Variants in METTL15 observed in about 807,000 individuals in gnomAD.
METTL15 encodes the protein methyltransferase 15, mitochondrial 12S rRNA N4-cytidine.
In METTL15, 34 loss-of-function variants were observed where a neutral mutation model predicts 38.3. That is an observed-to-expected ratio of 0.89 (90% confidence interval 0.68 to 1.18). The LOEUF (loss-of-function observed/expected upper bound fraction) is 1.18, where lower values mean the gene tolerates loss of function less well. Ranked by LOEUF, METTL15 falls within the 50% of genes most tolerant of loss-of-function variation. The probability of loss-of-function intolerance (pLI) is 0.00; values close to 1 mark genes in which losing one functional copy is unlikely to be tolerated. For synonymous variants in METTL15, 162 were observed against 170.9 expected, an observed-to-expected ratio of 0.95 and a Z score of 0.41; for missense variants, 438 against 498.4, an observed-to-expected ratio of 0.88 and a Z score of 1.15.
At chr11:28,351,268 T>G (rs1850039505) in intron 3 of METTL15, among the ~76,000 whole-genome samples, 1 of 152,064 alleles carries the variant, frequency 6.6e-6, no homozygotes, top group Non-Finnish European at 1.5e-5. Context: ...CGCGCCACCA[T>G]GCCCAGCTAA....
intron 3 of METTL15, among the ~76,000 whole-genome samples, chr11:28,130,260 G>A (rs574317221): frequency 2.6e-5 from 4 of 152,176 alleles, no homozygotes; most frequent in East Asian, 1.9e-4. Flanking sequence ...GCAGTAAGCC[G>A]TGATCACACC....
intron 4 of METTL15, among the ~76,000 whole-genome samples, chr11:28,243,752 T>C (rs1488586039): frequency 3.3e-5 from 5 of 152,190 alleles, no homozygotes; most frequent in Non-Finnish European, 4.4e-5. Context: ...TCAGTACATA[T>C]GTTTGAGGGA....
intron 5 of METTL15, among the ~76,000 whole-genome samples, chr11:28,290,969 A>G (rs1255368791): frequency 1.3e-5 from 2 of 152,056 alleles, no homozygotes; most frequent in Non-Finnish European, 2.9e-5. Flanking sequence ...TGGAAATACT[A>G]GCATTTATTC....
intron 6 of METTL15, among the ~76,000 whole-genome samples, chr11:28,433,163 G>GTTTTTTT (rs1209820099): frequency 2.1e-4 from 20 of 93,758 alleles, no homozygotes; most frequent in African/African-American, 5.7e-4. Flanking sequence ...GTTTTGTTTT[G>GTTTTTTT]TTTTTTTTGT....
intron 4 of METTL15, among the ~76,000 whole-genome samples, chr11:28,236,914 A>G (rs930021401): frequency 4.6e-5 from 7 of 152,124 alleles, no homozygotes; most frequent in African/African-American, 1.7e-4. Context: ...TTCTTTAAGA[A>G]TGTTGAATAT....
At chr11:28,412,298 A>G (rs1850734526) in intron 5 of METTL15, among the ~76,000 whole-genome samples, 1 of 151,948 alleles carries the variant, frequency 6.6e-6, no homozygotes. Flanking sequence ...CATGCCCATG[A>G]TTATTGCAGC....
At chr11:28,507,479 G>T (rs375596406) in intron 6 of METTL15, among the ~76,000 whole-genome samples, 1 of 152,068 alleles carries the variant, frequency 6.6e-6, no homozygotes, top group African/African-American at 2.4e-5. Context: ...CTTGGGCAGG[G>T]TAACAAATCC....
At chr11:28,124,731 G>C (rs1296585256) in intron 3 of METTL15, among the ~76,000 whole-genome samples, 1 of 151,996 alleles carries the variant, frequency 6.6e-6, no homozygotes, top group Non-Finnish European at 1.5e-5. Context: ...CTAGCACCGA[G>C]GTACCATTAG....
intron 4 of METTL15, among the ~76,000 whole-genome samples, chr11:28,220,822 G>A (rs1853173389): frequency 1.3e-5 from 2 of 152,104 alleles, no homozygotes. Context: ...CACTCACGAA[G>A]CTTAGTTTGG....
rs1435799914 is a variant in METTL15 at position 28,406,051 on chromosome 11, A to G, written c.*359-18248A>G. On this transcript the variant is annotated intron_variant and NMD_transcript_variant, in intron 5 of 7. Coordinates refer to the METTL15 transcript ENST00000532947. ...TGGAGTCAGGTAGCACAATGCCTCCAGCGTTGTCTTTTTGCTCAGGATTGT... is the reference window on the plus strand; with the variant it reads ...TGGAGTCAGGTAGCACAATGCCTCCGGCGTTGTCTTTTTGCTCAGGATTGT... 2.0e-5 allele frequency among the ~76,000 whole-genome samples: 3 copies of G among 152,198 alleles called. No homozygotes were observed. In the East Asian group the frequency reaches 5.8e-4, roughly 29 times the overall value.
chr11:28,386,949 G>A (rs375882759), intron 5 of METTL15, among the ~76,000 whole-genome samples: 1 of 151,842 alleles, frequency 6.6e-6, no homozygotes, highest in African/African-American at 2.4e-5. Context: ...GAACACTATT[G>A]AAGAATCATT....
chr11:28,180,036 G>A (rs1423552791), intron 3 of METTL15, among the ~76,000 whole-genome samples: 2 of 151,464 alleles, frequency 1.3e-5, no homozygotes, highest in African/African-American at 4.9e-5. Context: ...TCTAAAGTTG[G>A]GATCTTTATT....
intron 6 of METTL15, among the ~76,000 whole-genome samples, chr11:28,513,843 C>T (rs1851696916): frequency 6.6e-6 from 1 of 152,258 alleles, no homozygotes. Flanking sequence ...CAGTTTTCCG[C>T]CCTGGGCGGG....
At chr11:28,117,702 T>C (rs537198380) in intron 3 of METTL15, among the ~76,000 whole-genome samples, 1 of 152,324 alleles carries the variant, frequency 6.6e-6, no homozygotes, top group South Asian at 2.1e-4. Flanking sequence ...AAAACTTTCT[T>C]GTGAGGTACA....
intron 4 of METTL15, among the ~76,000 whole-genome samples, chr11:28,241,096 T>A (rs1200774643): frequency 6.6e-6 from 1 of 152,170 alleles, no homozygotes; most frequent in African/African-American, 2.4e-5. Context: ...ATGTGCCAGG[T>A]ACTTTTCTCA....
At chr11:28,259,352 A>G (rs1000571295) in intron 4 of METTL15, among the ~76,000 whole-genome samples, 5 of 151,648 alleles carry the variant, frequency 3.3e-5, no homozygotes, top group Non-Finnish European at 5.9e-5. Context: ...TAGGGGAGGG[A>G]TGATGCCAGC....
chr11:28,440,701 G>A (rs1231354399), intron 6 of METTL15, among the ~76,000 whole-genome samples: 1 of 152,148 alleles, frequency 6.6e-6, no homozygotes, highest in Non-Finnish European at 1.5e-5. Context: ...GTTGATAAAT[G>A]TCATCATACG....
rs1447572003 is a variant in METTL15, at chr11:28,218,155, G to T, written c.407+6957G>T. On this transcript the variant is annotated intron_variant, in intron 4 of 6. Coordinates refer to ENST00000407364, the MANE Select transcript of METTL15 (RefSeq NM_001113528.2). ...TCTATAAATTACCTTGGATAGTGTG[G>T]CCATTTTCACTATATTGATTCTTCC... 3.9e-5 allele frequency among the ~76,000 whole-genome samples: 6 copies of T among 152,072 alleles called. 1 individual carries two copies. The highest frequency in any genetic ancestry group is 7.2e-5 in the African/African-American group (3 of 41,394).
intron 4 of METTL15, among the ~76,000 whole-genome samples, chr11:28,273,507 C>G (rs1331864020): frequency 6.6e-6 from 1 of 152,008 alleles, no homozygotes; most frequent in Admixed American, 6.6e-5. Context: ...CTATGGCCAA[C>G]AACTGTTGCT....
Sources: gnomAD v4.1 joint callset for allele counts (sites outside exome capture counted in the v4.1 genomes callset) on GRCh38, gnomAD v4.1.1 for gene constraint, MANE v1.5 for transcripts, NCBI Gene and HGNC (gene_info 2026-07-23, HGNC 2026-07-21) for gene names.